Variants in STRN3 observed in about 807,000 individuals in gnomAD.
STRN3 encodes the protein striatin 3.
Under a neutral mutation model 95.6 loss-of-function variants are expected in STRN3, and 29 were observed. The observed-to-expected ratio is 0.30, with a 90% CI of 0.23 to 0.41. The LOEUF is 0.41. STRN3 is among the 10% of genes least tolerant of loss of function. STRN3 has a pLI of 1.00. For synonymous variants in STRN3, 331 were observed against 357.6 expected, an observed-to-expected ratio of 0.93 and a Z score of 0.84; for missense variants, 890 against 972.1, an observed-to-expected ratio of 0.92 and a Z score of 1.12.
chr14:30,918,639 T>C (rs986551273), intron 9 of STRN3, among the ~76,000 whole-genome samples: 9 of 152,240 alleles, frequency 5.9e-5, no homozygotes, highest in Non-Finnish European at 1.3e-4. Context: ...TTTTTCCATA[T>C]GTATTATTTT....
intron 1 of STRN3, among the ~76,000 whole-genome samples, chr14:30,992,078 TCAA>T (rs10667506): frequency 5.7e-4 from 86 of 151,670 alleles, no homozygotes; most frequent in African/African-American, 1.5e-3. Flanking sequence ...TATGGAAAAC[TCAA>T]CAACAACAAC....
chr14:30,894,888 TTTTTC>T lies in STRN3; in HGVS notation c.*518_*522del, dbSNP rs1296194199. 7 of 894,972 alleles carry T rather than the reference TTTTTC, an allele frequency of 7.8e-6. No homozygotes were observed. The highest frequency in any genetic ancestry group is 2.5e-5 in the African/African-American group (1 of 40,688). 55.4% of individuals were successfully genotyped at this position (894,972 alleles called of 1,614,324 possible). On this transcript the variant is annotated 3_prime_UTR_variant, in exon 18 of 18. Coordinates refer to ENST00000357479, the MANE Select transcript of STRN3 (RefSeq NM_001083893.2). ...CTAAAATATTTTAAGTTAAATTTTCTTTTTCTTTTTTTTTTTTTTTAAAGCAAAAT... is the reference window on the plus strand; with the variant it reads ...CTAAAATATTTTAAGTTAAATTTTCTTTTTTTTTTTTTTTTAAAGCAAAAT...
At chr14:30,984,096 T>C (rs943999611) in intron 1 of STRN3, among the ~76,000 whole-genome samples, 3 of 149,520 alleles carry the variant, frequency 2.0e-5, no homozygotes, top group Non-Finnish European at 4.4e-5. Context: ...ATATCTTGGA[T>C]AGCTCTGTGA....
intron 1 of STRN3, among the ~76,000 whole-genome samples, chr14:30,995,368 T>C (rs1283525226): frequency 6.6e-6 from 1 of 152,184 alleles, no homozygotes; most frequent in Non-Finnish European, 1.5e-5. Flanking sequence ...TAAATTATTA[T>C]AAAGGACACT....
At chr14:30,907,163 G>T in intron 13 of STRN3, 119 bp from the exon 14 acceptor site, 1 of 1,162,630 alleles carries the variant, frequency 8.6e-7, no homozygotes, top group Non-Finnish European at 1.2e-6. Flanking sequence ...GCCACAAGAA[G>T]ATAAACTAAA....
chr14:30,947,234 G>A lies in STRN3; in HGVS notation c.572C>T (p.Thr191Ile), dbSNP rs1395143556. ...QYLQEVGYTD[T>I]ILDVRSQRVR... ...CCGCTGAGACCGTACATCTAATATT[G>A]TATCTGTATAACCTACTTCCTGAAG... Residue 191 changes from threonine (T) to isoleucine (I), a missense_variant, in exon 5 of 18, where the codon ACA (threonine) becomes ATA (isoleucine). By Grantham distance (89) the Thr-to-Ile change is moderately conservative (BLOSUM62 -1). Coordinates refer to ENST00000357479, the MANE Select transcript of STRN3 (RefSeq NM_001083893.2). The A allele has an allele frequency of 3.1e-6, 5 of 1,605,800 alleles. No homozygotes were observed. The highest frequency in any genetic ancestry group is 1.7e-4 in the Middle Eastern group (1 of 6,048).
At chr14:30,929,570 A>G (rs1435329917) in intron 7 of STRN3, among the ~76,000 whole-genome samples, 1 of 152,142 alleles carries the variant, frequency 6.6e-6, no homozygotes, top group African/African-American at 2.4e-5. Context: ...GTTATCATTC[A>G]TTCAATAGAC....
intron 1 of STRN3, among the ~76,000 whole-genome samples, chr14:30,968,474 G>A (rs1252887781): frequency 6.6e-6 from 1 of 151,378 alleles, no homozygotes; most frequent in African/African-American, 2.4e-5. Flanking sequence ...GAGGTCAGGA[G>A]ATCGAGACCA....
At position 30,899,835 on chromosome 14, in the gene STRN3, C is replaced by T. The variant is rs540961070; in HGVS notation, c.2137+2701G>A. Among the ~76,000 whole-genome samples, 3 of 151,254 alleles carry T rather than the reference C, an allele frequency of 2.0e-5. No individual in the cohort carries two copies. The East Asian group carries it at 5.9e-4, about 30-fold the overall frequency. On this transcript the variant is annotated intron_variant, in intron 16 of 17. Transcript: ENST00000357479. ...TGATAGTATCCAGTGCAGTATAGTACAAAATGCTGAATACATTTTTATTAA... is the reference window on the plus strand; with the variant it reads ...TGATAGTATCCAGTGCAGTATAGTATAAAATGCTGAATACATTTTTATTAA...
intron 1 of STRN3, among the ~76,000 whole-genome samples, chr14:30,976,543 A>G (rs1881114163): frequency 6.6e-6 from 1 of 152,234 alleles, no homozygotes; most frequent in Non-Finnish European, 1.5e-5. Flanking sequence ...TGATCTACAC[A>G]GTATTTTATC....
rs747713729 is a variant in STRN3, at chr14:30,895,686, T to G, written c.2200A>C (p.Asn734His). The change falls in exon 17 of 18, where the codon AAT becomes CAT. Residue 734 changes from asparagine (N) to histidine (H), a missense_variant. This residue lies in a region of STRN3 where 357 missense variants were observed against 422.8 expected (regional missense o/e 0.84). Coordinates refer to ENST00000357479, the MANE Select transcript of STRN3 (RefSeq NM_001083893.2). ...CTTCCAGACATCAAATAGATTCCAT[T>G]AGGATCTACTGCTAGACTTGTAACA... ...DAVTSLAVDP[N>H]GIYLMSGSHD... 1 of 1,613,962 alleles carries G rather than the reference T, an allele frequency of 6.2e-7. No individual in the cohort carries two copies. The highest frequency in any genetic ancestry group is 1.7e-5 in the Admixed American group (1 of 59,998).
At chr14:30,907,109 A>T in intron 13 of STRN3, 65 bp from the exon 14 acceptor site, 1 of 1,557,344 alleles carries the variant, frequency 6.4e-7, no homozygotes, top group Non-Finnish European at 8.7e-7. Flanking sequence ...TTGATACATA[A>T]AGAAAACTTA....
intron 1 of STRN3, among the ~76,000 whole-genome samples, chr14:31,017,848 G>A (rs559748937): frequency 2.4e-4 from 36 of 152,104 alleles, no homozygotes; most frequent in African/African-American, 7.5e-4. Flanking sequence ...AGGCCAAGGC[G>A]GGTGATCACT....
intron 16 of STRN3, among the ~76,000 whole-genome samples, chr14:30,899,989 C>T (rs1193597616): frequency 6.6e-6 from 1 of 152,088 alleles, no homozygotes; most frequent in African/African-American, 2.4e-5. Context: ...AACAACTTAG[C>T]TAACCGGAAA....
chr14:30,971,358 C>T (rs1880818851), intron 1 of STRN3, among the ~76,000 whole-genome samples: 1 of 152,190 alleles, frequency 6.6e-6, no homozygotes, highest in Non-Finnish European at 1.5e-5. Flanking sequence ...ACTCTCACGT[C>T]TATTTAGACA....
chr14:30,942,678 T>C (rs1879151008), intron 5 of STRN3, among the ~76,000 whole-genome samples: 1 of 152,198 alleles, frequency 6.6e-6, no homozygotes, highest in Non-Finnish European at 1.5e-5. Flanking sequence ...ATAAAGTAGA[T>C]GCTTTGTGAT....
chr14:30,977,812 A>C (rs11156652), intron 1 of STRN3, among the ~76,000 whole-genome samples: 86,084 of 136,982 alleles, frequency 0.63, 28,689 homozygotes, highest in Non-Finnish European at 0.72. Flanking sequence ...AAAAAAAAAA[A>C]AAAAACATGA....
intron 16 of STRN3, among the ~76,000 whole-genome samples, chr14:30,901,277 T>TA (rs11350824): frequency 8.1e-4 from 117 of 144,102 alleles, no homozygotes; most frequent in Middle Eastern, 3.5e-3. Flanking sequence ...CCTGTCTCTA[T>TA]AAAAAAAAAA....
At chr14:30,990,061 A>G (rs959683569) in intron 1 of STRN3, among the ~76,000 whole-genome samples, 1 of 151,846 alleles carries the variant, frequency 6.6e-6, no homozygotes, top group Admixed American at 6.6e-5. Flanking sequence ...TCCTATACAC[A>G]TTTCCTGAAA....
Sources: gnomAD v4.1 joint callset for allele counts (sites outside exome capture counted in the v4.1 genomes callset) on GRCh38, gnomAD v4.1.1 for gene constraint, gnomAD v4.1.1 regional missense constraint, MANE v1.5 for transcripts, NCBI Gene and HGNC (gene_info 2026-07-23, HGNC 2026-07-21) for gene names.